Variants in NIPBL observed in about 807,000 individuals in gnomAD.
The protein encoded by NIPBL is nipped-B-like protein.
Under a neutral mutation model 321.8 loss-of-function variants are expected in NIPBL, and 19 were observed. The observed-to-expected ratio is 0.06, with a 90% CI of 0.04 to 0.09. The LOEUF is 0.09. Among genes scored for constraint, NIPBL ranks in the 10% least tolerant of loss-of-function variants. The pLI is 1.00. For missense variants in NIPBL, 2,210 were observed against 3,327.0 expected, an observed-to-expected ratio of 0.66 and a Z score of 8.26; for synonymous variants, 1,106 against 1,114.1, an observed-to-expected ratio of 0.99 and a Z score of 0.14.
intron 1 of NIPBL, among the ~76,000 whole-genome samples, chr5:36,909,262 T>C (rs1364283173): frequency 1.3e-5 from 2 of 152,202 alleles, no homozygotes; most frequent in African/African-American, 2.4e-5. Context: ...TGAAGAATGC[T>C]AGGTAGCTCT....
chr5:36,886,255 C>T, intron 1 of NIPBL: 1 of 665,372 alleles, frequency 1.5e-6, no homozygotes, highest in Non-Finnish European at 2.8e-6. Context: ...AGAGCTGGCA[C>T]AGACCCAGGC....
At chr5:37,056,626 G>T (rs1754118188) in intron 42 of NIPBL, among the ~76,000 whole-genome samples, 1 of 152,072 alleles carries the variant, frequency 6.6e-6, no homozygotes, top group South Asian at 2.1e-4. Flanking sequence ...GAGTACATGG[G>T]ATTTGGGTTT....
In NIPBL at chr5:37,024,572, T is replaced by C. The variant is rs780835621; in HGVS notation, c.5575-13T>C. ...AATTTTTCTGACTCTTAAAAATACC[T>C]TTCTGTTTTTAGGATACTGGTATCA... On this transcript the variant is annotated splice_polypyrimidine_tract_variant and intron_variant, in intron 29 of 46. Coordinates refer to ENST00000282516, the MANE Select transcript of NIPBL (RefSeq NM_133433.4). 8.2e-6 allele frequency: 13 copies of C among 1,594,488 alleles called. No homozygotes were observed. In the African/African-American group the frequency reaches 1.7e-4, roughly 21 times the overall value.
chr5:36,916,636 G>A (rs1368496311), intron 1 of NIPBL, among the ~76,000 whole-genome samples: 2 of 151,988 alleles, frequency 1.3e-5, no homozygotes, highest in African/African-American at 4.8e-5. Flanking sequence ...ATCTCCTAAT[G>A]CTATCCCTCC....
chr5:37,064,237 T>C, intron 46 of NIPBL: 1 of 1,380,458 alleles, frequency 7.2e-7, no homozygotes, highest in Non-Finnish European at 9.4e-7. Context: ...TTAATGTGTG[T>C]TATTTTTATT....
At chr5:36,961,167 G>A (rs1289274799) in intron 4 of NIPBL, among the ~76,000 whole-genome samples, 3 of 152,218 alleles carry the variant, frequency 2.0e-5, no homozygotes, top group Admixed American at 6.5e-5. Flanking sequence ...TGTTAGGTGC[G>A]AGGTTAGATA....
chr5:36,959,119 A>T (rs294693), intron 4 of NIPBL, among the ~76,000 whole-genome samples: 6,369 of 152,270 alleles, frequency 0.042, 453 homozygotes, highest in African/African-American at 0.15. Flanking sequence ...AAGTGGGAAG[A>T]TCGCTTGAGC....
chr5:37,002,715 G>T lies in NIPBL; in HGVS notation c.3718G>T (p.Glu1240Ter). 1 of 1,612,698 alleles carries T rather than the reference G, an allele frequency of 6.2e-7. No individual in the cohort carries two copies. The highest frequency in any genetic ancestry group is 1.1e-5 in the South Asian group (1 of 91,044). ...ELLLGKHQLNELGSESAKIKA... is the reference protein window; with the variant it reads ...ELLLGKHQLN ...GCTCTTAGGAAAACATCAGCTTAAT[G>T]AACTTGGCAGTGAATCTGCTAAAAT... The change falls in exon 15 of 47, where the codon GAA becomes TAA. Residue 1240 changes from glutamate (E) to a stop codon, truncating the protein, a stop_gained. Transcript: ENST00000282516. LOFTEE classifies it high-confidence loss of function.
chr5:36,960,431 G>T (rs1411082713), intron 4 of NIPBL, among the ~76,000 whole-genome samples: 1 of 151,590 alleles, frequency 6.6e-6, no homozygotes, highest in Non-Finnish European at 1.5e-5. Flanking sequence ...AAGCTATGGA[G>T]CAAAACAATT....
At chr5:36,944,595 A>G (rs562869465) in intron 1 of NIPBL, among the ~76,000 whole-genome samples, 1 of 152,152 alleles carries the variant, frequency 6.6e-6, no homozygotes, top group African/African-American at 2.4e-5. Flanking sequence ...TTGTTCACAA[A>G]TTTTTCTTAT....
chr5:37,043,267 C>G (rs1438717592), intron 34 of NIPBL, among the ~76,000 whole-genome samples: 1 of 152,084 alleles, frequency 6.6e-6, no homozygotes, highest in East Asian at 1.9e-4. Context: ...CAGTTTCTCA[C>G]ACCTGTAATC....
chr5:37,055,135 G>C (rs1439309251), intron 42 of NIPBL, among the ~76,000 whole-genome samples: 1 of 152,122 alleles, frequency 6.6e-6, no homozygotes, highest in African/African-American at 2.4e-5. Flanking sequence ...GATCACCTGA[G>C]GTCAGGAGTT....
At chr5:36,926,464 A>G (rs1036706963) in intron 1 of NIPBL, among the ~76,000 whole-genome samples, 4 of 152,206 alleles carry the variant, frequency 2.6e-5, no homozygotes, top group African/African-American at 9.6e-5. Flanking sequence ...TTCAGCGGAG[A>G]CATCATGTGT....
chr5:37,022,464 T>C, intron 29 of NIPBL, 74 bp downstream of exon 29: 1 of 1,329,624 alleles, frequency 7.5e-7, no homozygotes, highest in Non-Finnish European at 1.0e-6. Context: ...TTTTAAAGTG[T>C]TAAGTTAGAA....
chr5:36,940,798 A>C (rs1163874088), intron 1 of NIPBL, among the ~76,000 whole-genome samples: 2 of 152,204 alleles, frequency 1.3e-5, no homozygotes, highest in African/African-American at 2.4e-5. Context: ...TCATAAGATA[A>C]GGATTAAATG....
chr5:36,944,337 A>G (rs996095687), intron 1 of NIPBL, among the ~76,000 whole-genome samples: 3 of 152,124 alleles, frequency 2.0e-5, no homozygotes, highest in South Asian at 2.1e-4. Flanking sequence ...TCTTCCACGT[A>G]TACCTTTTCT....
At chr5:36,907,102 T>G (rs2149540798) in intron 1 of NIPBL, among the ~76,000 whole-genome samples, 1 of 152,294 alleles carries the variant, frequency 6.6e-6, no homozygotes, top group Non-Finnish European at 1.5e-5. Flanking sequence ...TGCTCTGAGA[T>G]TCTTACTCCA....
intron 32 of NIPBL, among the ~76,000 whole-genome samples, chr5:37,035,517 G>C (rs1341478965): frequency 6.6e-6 from 1 of 152,182 alleles, no homozygotes; most frequent in African/African-American, 2.4e-5. Context: ...GTGCCCAACT[G>C]TAAGCCACAT....
At chr5:37,014,484 C>G (rs993125028) in intron 21 of NIPBL, among the ~76,000 whole-genome samples, 199 bp from the exon 22 acceptor site, 4 of 151,954 alleles carry the variant, frequency 2.6e-5, no homozygotes, top group Non-Finnish European at 4.4e-5. Flanking sequence ...AACACTCTAT[C>G]TGTATTTTTA....
Sources: allele counts gnomAD v4.1 joint callset (sites outside exome capture counted in the v4.1 genomes callset), GRCh38; gene constraint gnomAD v4.1.1; transcripts MANE v1.5; gene names NCBI Gene and HGNC (gene_info 2026-07-23, HGNC 2026-07-21).